TRIM22: variants seen among roughly 807,000 people sequenced by gnomAD.
TRIM22 encodes tripartite motif containing 22, also known as E3 ubiquitin-protein ligase TRIM22.
A neutral mutation model predicts 53.6 loss-of-function variants in TRIM22; 45 were observed. That is an observed-to-expected ratio of 0.84 (90% confidence interval 0.66 to 1.08). TRIM22 has a LOEUF of 1.08. TRIM22 is among the 50% of genes least tolerant of loss of function. The probability of loss-of-function intolerance (pLI) is 0.00; values close to 1 mark genes in which losing one functional copy is unlikely to be tolerated. For missense variants in TRIM22, 616 were observed against 590.9 expected, an observed-to-expected ratio of 1.04 and a Z score of -0.44; for synonymous variants, 225 against 216.6, an observed-to-expected ratio of 1.04 and a Z score of -0.34.
chr11:5,690,332 C>T (rs764909118), intron 1 of TRIM22, among the ~76,000 whole-genome samples: 9 of 152,168 alleles, frequency 5.9e-5, no homozygotes, highest in Non-Finnish European at 8.8e-5. Flanking sequence ...TTATTCCTGA[C>T]GCAAATCCTA....
intron 1 of TRIM22, among the ~76,000 whole-genome samples, chr11:5,693,903 C>T (rs1230486762): frequency 6.6e-6 from 1 of 152,128 alleles, no homozygotes; most frequent in Non-Finnish European, 1.5e-5. Flanking sequence ...CTGGTTCCTT[C>T]TGAAGGCTAT....
chr11:5,698,323 C>T lies in TRIM22; in HGVS notation c.528C>T (p.Ile176=), dbSNP rs1351049795. 6.2e-7 allele frequency: 1 copy of T among 1,613,912 alleles called. No homozygotes were observed. The highest frequency in any genetic ancestry group is 1.7e-5 in the Admixed American group (1 of 60,024). ...RQERTAWKNY[I]QIERQKILKG... ...CTCTTTTCATTCCCAAGAATTATAT[C>T]CAGATCGAGAGACAGAAGATTCTGA... Residue 176 remains isoleucine (I), a synonymous_variant, in exon 4 of 8, where the codon ATC becomes ATT. Coordinates refer to ENST00000379965, the MANE Select transcript of TRIM22 (RefSeq NM_006074.5).
chr11:5,706,509 A>T, intron 4 of TRIM22, 85 bp from the exon 5 acceptor site: 2 of 1,285,514 alleles, frequency 1.6e-6, no homozygotes, highest in Non-Finnish European at 1.1e-6. Context: ...TATATTGTTT[A>T]TCCCAAATTC....
intron 5 of TRIM22, among the ~76,000 whole-genome samples, 161 bp downstream of exon 5, chr11:5,706,777 G>A (rs12362820): frequency 9.9e-5 from 15 of 152,200 alleles, no homozygotes; most frequent in Non-Finnish European, 1.8e-4. Context: ...GTTTTCAATT[G>A]TAAGAAATTT....
intron 5 of TRIM22, among the ~76,000 whole-genome samples, chr11:5,707,572 AGCCGAG>A (rs1289844199): frequency 1.3e-5 from 2 of 152,178 alleles, no homozygotes; most frequent in Non-Finnish European, 2.9e-5. Context: ...CACTTTGGGA[AGCCGAG>A]GCAGGCGGAT....
At chr11:5,693,969 C>G (rs1489465897) in intron 1 of TRIM22, among the ~76,000 whole-genome samples, 1 of 152,120 alleles carries the variant, frequency 6.6e-6, no homozygotes, top group Non-Finnish European at 1.5e-5. Flanking sequence ...TCCTGGAAAC[C>G]TTTAGCATTC....
chr11:5,698,256 A>C (rs1444511712), intron 3 of TRIM22, 59 bp from the exon 4 acceptor site: 1 of 1,417,470 alleles, frequency 7.1e-7, no homozygotes, highest in African/African-American at 1.4e-5. Flanking sequence ...TCCCAGGCTC[A>C]TACAAAGCAG....
intron 7 of TRIM22, 51 bp from the exon 8 acceptor site, chr11:5,709,001 TA>T: frequency 7.2e-7 from 1 of 1,380,800 alleles, no homozygotes; most frequent in Non-Finnish European, 1.0e-6. Context: ...CTCAATGCTG[TA>T]AGACACACCT....
At chr11:5,708,709 T>C (rs574774941) in intron 7 of TRIM22, 106 bp downstream of exon 7, 4 of 990,482 alleles carry the variant, frequency 4.0e-6, no homozygotes, top group Admixed American at 6.8e-5. Context: ...GCTTAAACCA[T>C]GTAGTTCTTT....
Position 5,698,504 on chromosome 11 carries a change from C to A in TRIM22, c.709C>A (p.Leu237Ile). 1.2e-6 allele frequency: 2 copies of A among 1,613,932 alleles called. No individual in the cohort carries two copies. The highest frequency in any genetic ancestry group is 1.7e-6 in the Non-Finnish European group (2 of 1,179,866). The change falls in exon 4 of 8, where the codon CTC (leucine) becomes ATC (isoleucine). Residue 237 changes from leucine to isoleucine, a missense_variant. Physicochemically the swap from Leu to Ile is conservative, Grantham distance 5. Coordinates refer to ENST00000379965, the MANE Select transcript of TRIM22 (RefSeq NM_006074.5). ...GGATGCCAGCACGCTCATCTCAGAT[C>A]TCCAGCGGAGGTTGAGGGGATCGTC... ...RQDASTLISD[L>I]QRRLRGSSVE...
chr11:5,704,248 T>C (rs554535643), intron 4 of TRIM22, among the ~76,000 whole-genome samples: 2 of 147,342 alleles, frequency 1.4e-5, no homozygotes, highest in African/African-American at 5.1e-5. Context: ...TTCTTCTTTA[T>C]CTTTCTTTTT....
At chr11:5,707,034 G>T (rs2134183246) in intron 5 of TRIM22, among the ~76,000 whole-genome samples, 1 of 152,180 alleles carries the variant, frequency 6.6e-6, no homozygotes, top group East Asian at 1.9e-4. Flanking sequence ...AACTTTCTAG[G>T]TGGTGCTTTT....
At chr11:5,701,126 G>C (rs1014782174) in intron 4 of TRIM22, among the ~76,000 whole-genome samples, 5 of 152,030 alleles carry the variant, frequency 3.3e-5, no homozygotes, top group Non-Finnish European at 5.9e-5. Context: ...GAGAATTTTT[G>C]CATCTGTGTT....
chr11:5,696,732 C>T (rs1853269335), intron 2 of TRIM22, 77 bp downstream of exon 2: 2 of 1,449,048 alleles, frequency 1.4e-6, no homozygotes, highest in Non-Finnish European at 9.3e-7. Context: ...TTTTTTTGTC[C>T]TGCTTTATTC....
At chr11:5,694,384 A>G (rs983624487) in intron 1 of TRIM22, among the ~76,000 whole-genome samples, 1 of 152,204 alleles carries the variant, frequency 6.6e-6, no homozygotes, top group African/African-American at 2.4e-5. Context: ...TCCTATCACC[A>G]TCCTTGCCAT....
chr11:5,708,550 A>T, intron 6 of TRIM22, 27 bp from the exon 7 acceptor site: 1 of 1,596,710 alleles, frequency 6.3e-7, no homozygotes, highest in South Asian at 1.1e-5. Flanking sequence ...GCTTCTAACA[A>T]CATCACTGAA....
chr11:5,705,207 A>G (rs1853441002), intron 4 of TRIM22, among the ~76,000 whole-genome samples: 1 of 152,158 alleles, frequency 6.6e-6, no homozygotes, highest in South Asian at 2.1e-4. Context: ...ACTTGACTCA[A>G]TTGGAGTCGA....
chr11:5,705,340 G>A (rs1017388313), intron 4 of TRIM22, among the ~76,000 whole-genome samples: 5 of 152,120 alleles, frequency 3.3e-5, no homozygotes, highest in African/African-American at 4.8e-5. Context: ...TAATTAATCT[G>A]AAAATAAGTC....
intron 1 of TRIM22, among the ~76,000 whole-genome samples, chr11:5,695,780 G>T (rs928458148): frequency 6.6e-6 from 1 of 152,184 alleles, no homozygotes; most frequent in African/African-American, 2.4e-5. Flanking sequence ...CATTCAGAGA[G>T]AAAAGCCTGT....
Sources: gnomAD v4.1 joint callset for allele counts (sites outside exome capture counted in the v4.1 genomes callset) on GRCh38, gnomAD v4.1.1 for gene constraint, MANE v1.5 for transcripts, NCBI Gene and HGNC (gene_info 2026-07-23, HGNC 2026-07-21) for gene names.